Variants in NIBAN3 observed in about 807,000 individuals in gnomAD.
NIBAN3 encodes the protein niban apoptosis regulator 3.
A neutral mutation model predicts 76.4 loss-of-function variants in NIBAN3; 66 were observed. The ratio of observed to expected loss-of-function variants is 0.86; its 90% CI spans 0.71 to 1.06. The LOEUF (loss-of-function observed/expected upper bound fraction) is 1.06, where lower values mean the gene tolerates loss of function less well. Ranked by LOEUF, NIBAN3 falls within the 50% of genes least tolerant of loss-of-function variation. NIBAN3 has a pLI of 0.00. For synonymous variants in NIBAN3, 360 were observed against 355.2 expected (o/e 1.01, Z -0.15); for missense variants, 808 against 810.7 (o/e 1.00, Z 0.04).
At chr19:17,548,755 G>A (rs188909477) in intron 13 of NIBAN3, among the ~76,000 whole-genome samples, 75 of 151,898 alleles carry the variant, frequency 4.9e-4, no homozygotes, top group African/African-American at 1.7e-3. Flanking sequence ...GTGAAACCCC[G>A]TCTCTACTAA....
chr19:17,532,394 T>G lies in NIBAN3; in HGVS notation c.312+6T>G. 2 of 1,614,200 alleles carry G rather than the reference T, an allele frequency of 1.2e-6. No homozygotes were observed. Among genetic ancestry groups the G allele is most frequent in the Non-Finnish European group, 1.7e-6 (2 of 1,180,042 alleles). ...AGTGGTTCAGCCACAAGGAGGTGCGTGATTGGCACGTGGCCTTTCTACTTC... is the reference window on the plus strand; with the variant it reads ...AGTGGTTCAGCCACAAGGAGGTGCGGGATTGGCACGTGGCCTTTCTACTTC... On this transcript the variant is annotated splice_donor_region_variant and intron_variant, in intron 3 of 14. Transcript: ENST00000599164.
chr19:17,531,778 C>A (rs1296385412), intron 2 of NIBAN3, among the ~76,000 whole-genome samples: 1 of 152,152 alleles, frequency 6.6e-6, no homozygotes, highest in African/African-American at 2.4e-5. Context: ...AAGTGATCTC[C>A]CCACCTTGGC....
intron 14 of NIBAN3, chr19:17,549,806 A>ATC (rs144647053): frequency 2.6e-4 from 96 of 373,276 alleles, no homozygotes; most frequent in African/African-American, 1.5e-3. Flanking sequence ...TTTGTGTCCC[A>ATC]TCTCTCTCTC....
At chr19:17,540,623 A>G in intron 9 of NIBAN3, 41 bp downstream of exon 9, 11 of 1,345,606 alleles carry the variant, frequency 8.2e-6, no homozygotes, top group Non-Finnish European at 1.1e-5. Context: ...CCAGAGGGTG[A>G]TGTGTTAACT....
At chr19:17,538,700 AAAAG>A (rs1310921763) in intron 5 of NIBAN3, among the ~76,000 whole-genome samples, 1 of 105,712 alleles carries the variant, frequency 9.5e-6, no homozygotes, top group East Asian at 2.3e-4. Flanking sequence ...AAAGAAAAAG[AAAAG>A]AAAGGAGAAA....
intron 12 of NIBAN3, chr19:17,545,944 T>C (rs1470568835): frequency 2.3e-6 from 1 of 441,686 alleles, no homozygotes; most frequent in African/African-American, 2.0e-5. Context: ...TTTCCCGGTC[T>C]GCTAAGTAGC....
At chr19:17,523,681 A>G (rs2075578567), upstream of NIBAN3, among the ~76,000 whole-genome samples, 1 of 152,056 alleles carries the variant, frequency 6.6e-6, no homozygotes, top group African/African-American at 2.4e-5. Flanking sequence ...TTCGGAGTGA[A>G]ATTCACCCTT....
rs10425454 is a variant in NIBAN3, at chr19:17,549,237, G to A, written c.1667-207G>A. Among the ~76,000 whole-genome samples the A allele has an allele frequency of 3.1e-3, 466 of 152,288 alleles. 3 individuals carry two copies. The highest frequency in any genetic ancestry group is 0.011 in the African/African-American group (444 of 41,566). The stretch of plus-strand genomic sequence containing the variant: ...TCTGCCTAGAGCAGCATGTTGGGAG[G>A]TGGGACTGGCAGTGTCCAGGCTCAG... On this transcript the variant is annotated intron_variant, in intron 13 of 14. Transcript: ENST00000599164.
At chr19:17,526,965 T>G (rs1433430874), upstream of NIBAN3, among the ~76,000 whole-genome samples, 1 of 151,378 alleles carries the variant, frequency 6.6e-6, no homozygotes, top group Non-Finnish European at 1.5e-5. Flanking sequence ...GGTGGGGGGG[T>G]GTGGCACCAG....
intron 9 of NIBAN3, among the ~76,000 whole-genome samples, chr19:17,541,046 T>C (rs563700179): frequency 1.1e-4 from 17 of 152,022 alleles, no homozygotes; most frequent in African/African-American, 3.9e-4. Flanking sequence ...TGGAACACAG[T>C]TTAAAACGTG....
At chr19:17,541,945 A>C (rs1386360281) in intron 9 of NIBAN3, among the ~76,000 whole-genome samples, 191 bp from the exon 10 acceptor site, 1 of 152,082 alleles carries the variant, frequency 6.6e-6, no homozygotes, top group Non-Finnish European at 1.5e-5. Context: ...CGGCCTCCCA[A>C]ACTGATGGGA....
In NIBAN3 at chr19:17,539,142, C is replaced by T. The variant is rs368594056; in HGVS notation, c.596-8C>T. On this transcript the variant is annotated splice_region_variant and splice_polypyrimidine_tract_variant and intron_variant, in intron 5 of 14. Transcript: ENST00000599164. ...TACCAGCAGGCACTGAGGAGCAGCC[C>T]CTCTCAGTCCTGCAGCGAAGCCAGG... 38 of 1,573,332 alleles carry T rather than the reference C, an allele frequency of 2.4e-5. No individual in the cohort carries two copies. In the African/African-American group the frequency reaches 3.0e-4, roughly 12 times the overall value.
chr19:17,525,492 TCG>T (rs1300568875), upstream of NIBAN3, among the ~76,000 whole-genome samples: 4 of 152,120 alleles, frequency 2.6e-5, no homozygotes, highest in Non-Finnish European at 5.9e-5. Flanking sequence ...GACATAAAGG[TCG>T]CGCCCAACCA....
chr19:17,539,288 C>A (rs1159140157), intron 6 of NIBAN3, 23 bp downstream of exon 6: 3 of 1,574,236 alleles, frequency 1.9e-6, no homozygotes, highest in Non-Finnish European at 2.6e-6. Context: ...CGAGGCCGCA[C>A]CCGGGACCCC....
At chr19:17,525,665 A>C (rs2075599186), upstream of NIBAN3, among the ~76,000 whole-genome samples, 1 of 152,082 alleles carries the variant, frequency 6.6e-6, no homozygotes, top group Non-Finnish European at 1.5e-5. Context: ...CGGGAGCTGC[A>C]GGGGGCTGAG....
At chr19:17,545,887 G>A (rs920887846) in intron 12 of NIBAN3, 1 of 400,248 alleles carries the variant, frequency 2.5e-6, no homozygotes, top group Non-Finnish European at 5.1e-6. Flanking sequence ...ACAAGAGGTG[G>A]AGGAGCAGAG....
At chr19:17,524,891 C>T (rs573287784), upstream of NIBAN3, among the ~76,000 whole-genome samples, 9 of 152,342 alleles carry the variant, frequency 5.9e-5, no homozygotes, top group South Asian at 1.9e-3. Context: ...GAAGACACTT[C>T]TGCTCACTCC....
intron 4 of NIBAN3, 151 bp downstream of exon 4, chr19:17,533,852 C>T: frequency 1.6e-6 from 1 of 632,652 alleles, no homozygotes; most frequent in Non-Finnish European, 2.8e-6. Flanking sequence ...CCTGCAGCAG[C>T]CCCCACCCTG....
Position 17,529,238 on chromosome 19 carries a change from C to T in NIBAN3, c.56-1517C>T, listed in dbSNP as rs188345534. On this transcript the variant is annotated intron_variant, in intron 1 of 14. Transcript: ENST00000599164. The stretch of plus-strand genomic sequence containing the variant: ...GGCATTGTAAGGATTCAAAGAGTTA[C>T]TCTATGTAGCACTGGGATTTTTTTC... Among the ~76,000 whole-genome samples the T allele has an allele frequency of 1.2e-4, 19 of 152,218 alleles. No homozygotes were observed. In the East Asian group the frequency reaches 3.1e-3, roughly 25 times the overall value.
Sources: gnomAD v4.1 joint callset for allele counts (sites outside exome capture counted in the v4.1 genomes callset) on GRCh38, gnomAD v4.1.1 for gene constraint, MANE v1.5 for transcripts, NCBI Gene and HGNC (gene_info 2026-07-23, HGNC 2026-07-21) for gene names.